Variants in DNAJC8 observed in about 807,000 individuals in gnomAD.
The protein encoded by DNAJC8 is dnaJ homolog subfamily C member 8.
A neutral mutation model predicts 43.2 loss-of-function variants in DNAJC8; 24 were observed. The observed-to-expected ratio is 0.56, with a 90% CI of 0.40 to 0.78. The LOEUF is 0.78. DNAJC8 is among the 30% of genes least tolerant of loss of function. DNAJC8 has a pLI of 0.00. For missense variants in DNAJC8, 207 were observed against 299.4 expected, an observed-to-expected ratio of 0.69 and a Z score of 2.28; for synonymous variants, 83 against 98.0, an observed-to-expected ratio of 0.85 and a Z score of 0.90.
At chr1:28,202,406 A>G (rs1434273544) in intron 8 of DNAJC8, among the ~76,000 whole-genome samples, 1 of 151,692 alleles carries the variant, frequency 6.6e-6, no homozygotes, top group Non-Finnish European at 1.5e-5. Context: ...CAGCCTCCTG[A>G]ATAGCTGGGA....
chr1:28,215,862 A>AT (rs1646849972), intron 2 of DNAJC8, among the ~76,000 whole-genome samples: 2 of 128,750 alleles, frequency 1.6e-5, no homozygotes, highest in Non-Finnish European at 3.2e-5. Flanking sequence ...TTAAACAAAT[A>AT]ATTTTTTTTT....
At chr1:28,202,611 G>A (rs1436044305) in intron 8 of DNAJC8, among the ~76,000 whole-genome samples, 2 of 91,938 alleles carry the variant, frequency 2.2e-5, no homozygotes, top group African/African-American at 4.3e-5. Context: ...TTTTTGAGAC[G>A]GCTCTGTCAC....
In DNAJC8 at chr1:28,210,641, C is replaced by A. The variant is rs893727936; in HGVS notation, c.238-4G>T. 13 of 1,613,272 alleles carry A rather than the reference C, an allele frequency of 8.1e-6. No homozygotes were observed. Among genetic ancestry groups the A allele is most frequent in the Non-Finnish European group, 1.1e-5 (13 of 1,179,392 alleles). ...CAGGATGCACCAAGATGGATAACTACAATAAGAGAAAAGTTGGGGTTGTCA... is the reference window on the plus strand; with the variant it reads ...CAGGATGCACCAAGATGGATAACTAAAATAAGAGAAAAGTTGGGGTTGTCA... On this transcript the variant is annotated splice_polypyrimidine_tract_variant and splice_region_variant and intron_variant, in intron 3 of 8. Transcript: ENST00000263697.
intron 2 of DNAJC8, among the ~76,000 whole-genome samples, chr1:28,222,597 C>T (rs959717502): frequency 2.0e-5 from 3 of 151,818 alleles, no homozygotes; most frequent in South Asian, 2.1e-4. Flanking sequence ...TTTTTATCTC[C>T]CCCTTCCCTT....
chr1:28,201,260 C>T lies in DNAJC8; in HGVS notation c.750G>A (p.Glu250=). ...TGACCTTGGGCGGTCACTCACGTTG[C>T]TCCATTTTTACTTTCGGTGGTCTCA... ...TFLRPPKVKM[E]QRE is the part of the protein sequence containing the mutation. Residue 250 remains glutamate (E), a synonymous_variant, in exon 9 of 9, where the codon GAG becomes GAA. Transcript: ENST00000263697. The T allele has an allele frequency of 6.2e-7, 1 of 1,612,220 alleles. No individual in the cohort carries two copies. Among genetic ancestry groups the T allele is most frequent in the Non-Finnish European group, 8.5e-7 (1 of 1,179,958 alleles).
Position 28,209,919 on chromosome 1 carries a change from G to T in DNAJC8, c.399+53C>A, listed in dbSNP as rs1472628443. 8.5e-6 allele frequency: 13 copies of T among 1,528,388 alleles called. No individual in the cohort carries two copies. The East Asian group carries it at 2.7e-4, about 32-fold the overall frequency. 94.7% of individuals were successfully genotyped at this position (1,528,388 alleles called of 1,614,324 possible). On this transcript the variant is annotated intron_variant, in intron 5 of 8. Transcript: ENST00000263697. ...GTTCATATGTACCCTTCTACAAGGT[G>T]CCCAAGGCTTGCTGATACTTCCTGT...
At chr1:28,232,429 C>T (rs1646982933) in intron 1 of DNAJC8, among the ~76,000 whole-genome samples, 1 of 152,182 alleles carries the variant, frequency 6.6e-6, no homozygotes, top group Non-Finnish European at 1.5e-5. Context: ...CTGTAAGGCC[C>T]CAAACTATTT....
In DNAJC8 at chr1:28,212,168, A is replaced by AATAAAAATATATAT. The variant is rs35950985; in HGVS notation, c.238-1532_238-1531insATATATATTTTTAT. 2.3e-3 allele frequency among the ~76,000 whole-genome samples: 70 copies of AATAAAAATATATAT among 31,022 alleles called. 2 individuals carry two copies. Among genetic ancestry groups the AATAAAAATATATAT allele is most frequent in the Non-Finnish European group, 3.5e-3 (50 of 14,256 alleles). 20.4% of individuals were successfully genotyped at this position (31,022 alleles called of 152,430 possible). On this transcript the variant is annotated intron_variant, in intron 3 of 8. Transcript: ENST00000263697. Reference sequence around the variant, plus strand: ...CGGACTCCGTCTCAATAAATAAATAAATATATATATATATATATATATATA... The same window carrying AATAAAAATATATAT: ...CGGACTCCGTCTCAATAAATAAATAAATAAAAATATATATATATATATATATATATATATATATA...
intron 2 of DNAJC8, among the ~76,000 whole-genome samples, chr1:28,215,990 A>G (rs1646850922): frequency 6.6e-6 from 1 of 152,094 alleles, no homozygotes; most frequent in Non-Finnish European, 1.5e-5. Context: ...CTCTTGAGCA[A>G]CTAGGACTGT....
intron 3 of DNAJC8, among the ~76,000 whole-genome samples, chr1:28,211,180 C>T (rs1646808243): frequency 1.3e-5 from 2 of 151,754 alleles, no homozygotes; most frequent in Admixed American, 1.3e-4. Context: ...AAAACAAAAA[C>T]AAAAACAAAA....
intron 3 of DNAJC8, among the ~76,000 whole-genome samples, chr1:28,213,816 G>T (rs1646832511): frequency 6.6e-6 from 1 of 152,086 alleles, no homozygotes; most frequent in African/African-American, 2.4e-5. Flanking sequence ...CCAGAATTGA[G>T]ACCAGCCTGG....
intron 8 of DNAJC8, among the ~76,000 whole-genome samples, chr1:28,202,684 C>T (rs1190203087): frequency 2.0e-5 from 3 of 151,038 alleles, no homozygotes; most frequent in African/African-American, 4.9e-5. Flanking sequence ...GGGTTCACAC[C>T]GTTCTCCTGC....
chr1:28,213,219 A>C (rs1482448250), intron 3 of DNAJC8, among the ~76,000 whole-genome samples: 1 of 152,222 alleles, frequency 6.6e-6, no homozygotes, highest in Non-Finnish European at 1.5e-5. Context: ...CTATCAGTCC[A>C]TATTAATGAT....
At position 28,207,120 on chromosome 1, in the gene DNAJC8, G is replaced by A. The variant is rs1456628808; in HGVS notation, c.471+1222C>T. 5.3e-5 allele frequency among the ~76,000 whole-genome samples: 8 copies of A among 151,654 alleles called. No homozygotes were observed. In the Middle Eastern group the frequency reaches 0.01, roughly 196 times the overall value. On this transcript the variant is annotated intron_variant, in intron 6 of 8. Coordinates refer to ENST00000263697, the MANE Select transcript of DNAJC8 (RefSeq NM_014280.3). ...GGGCCAGGTGCGGTGGTCCACGCCT[G>A]TAATCCCAGCACTTTGGGAGGCCGA...
intron 2 of DNAJC8, among the ~76,000 whole-genome samples, chr1:28,224,100 C>T (rs1646917412): frequency 6.6e-6 from 1 of 152,016 alleles, no homozygotes; most frequent in African/African-American, 2.4e-5. Context: ...ATCTGAGCAT[C>T]AAAATAAACA....
chr1:28,205,432 A>T lies in DNAJC8; in HGVS notation c.472-83T>A. On this transcript the variant is annotated intron_variant, in intron 6 of 8. Coordinates refer to ENST00000263697, the MANE Select transcript of DNAJC8 (RefSeq NM_014280.3). ...AACCATGTACTTTCACCTGGAGTCC[A>T]AGATAAAGCAGATTAAAACCTGGCA... is the stretch of plus-strand genomic sequence containing the variant. The T allele has an allele frequency of 4.9e-6, 5 of 1,029,034 alleles. No individual in the cohort carries two copies. The South Asian group carries it at 7.2e-5, about 15-fold the overall frequency. 63.7% of individuals were successfully genotyped at this position (1,029,034 alleles called of 1,614,324 possible).
rs776268645 is a variant in DNAJC8 at position 28,214,931 on chromosome 1, G to A, written c.237+9C>T. On this transcript the variant is annotated intron_variant, in intron 3 of 8. Coordinates refer to ENST00000263697, the MANE Select transcript of DNAJC8 (RefSeq NM_014280.3). ...TTCAAAAAGTTCAAACAGGGAAATA[G>A]TACTGTACCTGCCGAAACCTCTTTT... is the stretch of plus-strand genomic sequence containing the variant. 1.9e-6 allele frequency: 3 copies of A among 1,604,870 alleles called. No homozygotes were observed. The highest frequency in any genetic ancestry group is 2.6e-6 in the Non-Finnish European group (3 of 1,174,804).
intron 2 of DNAJC8, among the ~76,000 whole-genome samples, chr1:28,225,146 G>C (rs151078056): frequency 2.6e-5 from 4 of 151,248 alleles, no homozygotes; most frequent in Non-Finnish European, 5.9e-5. Flanking sequence ...GGGACAATTA[G>C]TAAAATTTGA....
intron 4 of DNAJC8, 25 bp downstream of exon 4, chr1:28,210,546 C>A: frequency 6.2e-7 from 1 of 1,604,764 alleles, no homozygotes; most frequent in South Asian, 1.1e-5. Flanking sequence ...ATCTAATACT[C>A]AGAAGCAGGT....
Sources: gnomAD v4.1 joint callset for allele counts (sites outside exome capture counted in the v4.1 genomes callset) on GRCh38, gnomAD v4.1.1 for gene constraint, MANE v1.5 for transcripts, NCBI Gene and HGNC (gene_info 2026-07-23, HGNC 2026-07-21) for gene names.